Variants in SPHKAP observed in about 807,000 individuals in gnomAD.
SPHKAP encodes A-kinase anchor protein SPHKAP.
SPHKAP carries 67 observed loss-of-function variants against 137.5 expected under a neutral mutation model. The observed-to-expected ratio is 0.49, with a 90% CI of 0.40 to 0.60. SPHKAP has a LOEUF of 0.60. SPHKAP is among the 20% of genes least tolerant of loss of function. The probability of loss-of-function intolerance (pLI) is 0.00; values close to 1 mark genes in which losing one functional copy is unlikely to be tolerated. For synonymous variants in SPHKAP, 813 were observed against 785.3 expected (o/e 1.04, Z -0.59); for missense variants, 2,097 against 2,069.3 (o/e 1.01, Z -0.26).
At chr2:228,119,471 ACTCTCT>A (rs58155215) in intron 2 of SPHKAP, among the ~76,000 whole-genome samples, 19 of 148,472 alleles carry the variant, frequency 1.3e-4, no homozygotes, top group East Asian at 7.9e-4. Context: ...ACACACACAC[ACTCTCT>A]CTCTCTCTCT....
intron 3 of SPHKAP, among the ~76,000 whole-genome samples, chr2:228,090,041 G>A (rs551139327): frequency 2.0e-5 from 3 of 152,272 alleles, no homozygotes; most frequent in Admixed American, 6.5e-5. Flanking sequence ...TGGGAAGGGG[G>A]TTGCTGTCCT....
At chr2:228,034,274 A>G (rs995916691) in intron 3 of SPHKAP, among the ~76,000 whole-genome samples, 4 of 152,228 alleles carry the variant, frequency 2.6e-5, no homozygotes, top group African/African-American at 9.6e-5. Flanking sequence ...AAACTAGAAA[A>G]TCTAGAAGAA....
intron 11 of SPHKAP, among the ~76,000 whole-genome samples, chr2:227,983,632 T>C (rs200374079): frequency 4.7e-5 from 4 of 84,364 alleles, no homozygotes; most frequent in Non-Finnish European, 1.0e-4. Context: ...AGAAGACTGT[T>C]TGGAATGTGG....
intron 7 of SPHKAP, among the ~76,000 whole-genome samples, chr2:228,012,455 C>A (rs1694426297): frequency 6.6e-6 from 1 of 152,160 alleles, no homozygotes; most frequent in South Asian, 2.1e-4. Context: ...GGCACCTTCT[C>A]TTCGTTTAGG....
rs2106210468 is a variant in SPHKAP at position 228,017,607 on chromosome 2, A to G, written c.3247T>C (p.Cys1083Arg). The change falls in exon 7 of 12, where the codon TGC (cysteine) becomes CGC (arginine). Residue 1083 changes from cysteine (C) to arginine (R), a missense_variant. By Grantham distance (180) the Cys-to-Arg change is radical. Coordinates refer to ENST00000392056, the MANE Select transcript of SPHKAP (RefSeq NM_001142644.2). The part of the protein sequence containing the change: ...DRWSRLKASS[C>R]ESIPEEDSEA... ...GAGTCTTCCTCAGGAATGCTTTCGC[A>G]GCTGGAGGCCTTCAGCCGGCTCCAC... is the stretch of plus-strand genomic sequence containing the variant. 1.2e-6 allele frequency: 2 copies of G among 1,613,902 alleles called. No individual in the cohort carries two copies. Among genetic ancestry groups the G allele is most frequent in the East Asian group, 4.5e-5 (2 of 44,856 alleles).
intron 3 of SPHKAP, among the ~76,000 whole-genome samples, chr2:228,031,893 T>C (rs1235299211): frequency 1.3e-5 from 2 of 152,096 alleles, no homozygotes; most frequent in Admixed American, 1.3e-4. Flanking sequence ...TACATCACCA[T>C]TATCAAAGAC....
intron 7 of SPHKAP, among the ~76,000 whole-genome samples, chr2:228,001,828 T>C (rs1390693194): frequency 1.3e-5 from 2 of 152,100 alleles, no homozygotes; most frequent in Non-Finnish European, 2.9e-5. Flanking sequence ...TGTTTGGTTT[T>C]TTTTCCTTGC....
At chr2:228,170,607 G>T (rs543936267) in intron 1 of SPHKAP, among the ~76,000 whole-genome samples, 1 of 152,218 alleles carries the variant, frequency 6.6e-6, no homozygotes, top group African/African-American at 2.4e-5. Context: ...TGAAGGTTCA[G>T]ATGATCATTA....
intron 3 of SPHKAP, among the ~76,000 whole-genome samples, chr2:228,031,830 G>T (rs1366503293): frequency 6.6e-6 from 1 of 152,204 alleles, no homozygotes; most frequent in East Asian, 1.9e-4. Context: ...GGTCCTGTCT[G>T]CTAGAAGGAA....
intron 2 of SPHKAP, among the ~76,000 whole-genome samples, chr2:228,111,484 A>T (rs1351079115): frequency 6.6e-6 from 1 of 152,168 alleles, no homozygotes. Flanking sequence ...GTCTGAAATG[A>T]CAGGACTGAA....
At chr2:228,161,758 A>G (rs1392932581) in intron 1 of SPHKAP, among the ~76,000 whole-genome samples, 1 of 152,002 alleles carries the variant, frequency 6.6e-6, no homozygotes, top group African/African-American at 2.4e-5. Flanking sequence ...TTAGAAGTAC[A>G]AATCCACATT....
chr2:228,125,206 C>T lies in SPHKAP; in HGVS notation c.138+6774G>A, dbSNP rs114478577. 6.8e-3 allele frequency among the ~76,000 whole-genome samples: 1,028 copies of T among 152,212 alleles called. 6 individuals carry two copies. The highest frequency in any genetic ancestry group is 0.011 in the Non-Finnish European group (724 of 68,008). ...ATGCAGAGACTCGGTTTCACTATATCCTAAATAGCAAACCTTCAGTCTAAG... is the reference window on the plus strand; with the variant it reads ...ATGCAGAGACTCGGTTTCACTATATTCTAAATAGCAAACCTTCAGTCTAAG... On this transcript the variant is annotated intron_variant, in intron 2 of 11. Transcript: ENST00000392056.
intron 2 of SPHKAP, among the ~76,000 whole-genome samples, chr2:228,125,159 A>C (rs1699033683): frequency 6.6e-6 from 1 of 152,168 alleles, no homozygotes; most frequent in Admixed American, 6.6e-5. Flanking sequence ...TTCTCCAACA[A>C]GTTTTTCCTC....
chr2:228,027,382 C>CT, intron 4 of SPHKAP, 102 bp downstream of exon 4: 1 of 1,204,368 alleles, frequency 8.3e-7, no homozygotes, highest in Non-Finnish European at 1.2e-6. Context: ...ATGAAACTAT[C>CT]TAACTAAAGA....
At chr2:228,159,612 G>T (rs1700214493) in intron 1 of SPHKAP, among the ~76,000 whole-genome samples, 1 of 152,236 alleles carries the variant, frequency 6.6e-6, no homozygotes. Context: ...GTCACAAAAG[G>T]TTAAAGAAAT....
chr2:228,032,897 C>T, intron 3 of SPHKAP, among the ~76,000 whole-genome samples: 1 of 152,230 alleles, frequency 6.6e-6, no homozygotes, highest in East Asian at 1.9e-4. Context: ...TGGAAAGGAA[C>T]AACCGGTACC....
chr2:228,017,589 C>G lies in SPHKAP; in HGVS notation c.3265G>C (p.Glu1089Gln). ...KASSCESIPE[E>Q]DSEARAYVNS... ...ACATAGGCCCTGGCCTCGGAGTCTT[C>G]CTCAGGAATGCTTTCGCAGCTGGAG... Residue 1089 changes from glutamate (E) to glutamine (Q), a missense_variant, in exon 7 of 12, where the codon GAA (glutamate) becomes CAA (glutamine). Physicochemically the swap from Glu to Gln is conservative, Grantham distance 29. Coordinates refer to ENST00000392056, the MANE Select transcript of SPHKAP (RefSeq NM_001142644.2). 1 of 1,613,898 alleles carries G rather than the reference C, an allele frequency of 6.2e-7. No homozygotes were observed.
intron 2 of SPHKAP, among the ~76,000 whole-genome samples, chr2:228,123,429 G>A (rs887111755): frequency 6.6e-6 from 1 of 152,148 alleles, no homozygotes; most frequent in Non-Finnish European, 1.5e-5. Flanking sequence ...GGAAATTCTT[G>A]TGTCTTCCTT....
At chr2:228,025,144 C>T (rs1694985585) in intron 5 of SPHKAP, among the ~76,000 whole-genome samples, 1 of 152,184 alleles carries the variant, frequency 6.6e-6, no homozygotes, top group African/African-American at 2.4e-5. Context: ...ACTCTATCTG[C>T]TCTAGTTCAA....
Sources: allele counts gnomAD v4.1 joint callset (sites outside exome capture counted in the v4.1 genomes callset), GRCh38; gene constraint gnomAD v4.1.1; transcripts MANE v1.5; gene names NCBI Gene and HGNC (gene_info 2026-07-23, HGNC 2026-07-21).